SH3GL3: variants seen among roughly 807,000 people sequenced by gnomAD.
SH3GL3 encodes SH3 domain containing GRB2 like 3, endophilin A3.
A neutral mutation model predicts 47.7 loss-of-function variants in SH3GL3; 33 were observed. That is an observed-to-expected ratio of 0.69 (90% confidence interval 0.52 to 0.92). The LOEUF is 0.92. SH3GL3 is among the 40% of genes least tolerant of loss of function. The pLI is 0.00. For missense variants in SH3GL3, 363 were observed against 417.8 expected, an observed-to-expected ratio of 0.87 and a Z score of 1.14; for synonymous variants, 155 against 148.8, an observed-to-expected ratio of 1.04 and a Z score of -0.30.
At chr15:83,461,806 A>G (rs1345554624) in intron 1 of SH3GL3, among the ~76,000 whole-genome samples, 1 of 152,166 alleles carries the variant, frequency 6.6e-6, no homozygotes, top group Non-Finnish European at 1.5e-5. Flanking sequence ...AAAAAGTTCA[A>G]TCTGAGATTC....
At chr15:83,467,896 T>C (rs939872629) in intron 1 of SH3GL3, among the ~76,000 whole-genome samples, 5 of 152,194 alleles carry the variant, frequency 3.3e-5, no homozygotes, top group Admixed American at 2.6e-4. Context: ...GGCACAATCT[T>C]GGCTCACTGC....
chr15:83,481,325 ATGCTGAAATAATTATT>A (rs1165296412), intron 1 of SH3GL3, among the ~76,000 whole-genome samples: 3 of 151,918 alleles, frequency 2.0e-5, no homozygotes, highest in Non-Finnish European at 2.9e-5. Flanking sequence ...GAGCGGAAAC[ATGCTGAAATAATTATT>A]TGCTGAAATT....
intron 1 of SH3GL3, among the ~76,000 whole-genome samples, chr15:83,450,409 A>G (rs1243304818): frequency 6.6e-6 from 1 of 152,200 alleles, no homozygotes; most frequent in African/African-American, 2.4e-5. Context: ...TTTTACAGAG[A>G]AGGGATCCAG....
chr15:83,468,428 C>T (rs1437809176), intron 1 of SH3GL3, among the ~76,000 whole-genome samples: 3 of 152,144 alleles, frequency 2.0e-5, no homozygotes, highest in Non-Finnish European at 4.4e-5. Flanking sequence ...AGTTGACATC[C>T]TTGCCTTGTT....
chr15:83,582,977 G>T (rs1596306656), intron 6 of SH3GL3, among the ~76,000 whole-genome samples: 2 of 152,194 alleles, frequency 1.3e-5, no homozygotes, highest in Admixed American at 6.5e-5. Flanking sequence ...TGACCAGACT[G>T]CAAAATACAT....
intron 1 of SH3GL3, among the ~76,000 whole-genome samples, chr15:83,474,477 G>A (rs140463359): frequency 3.1e-4 from 47 of 151,472 alleles, no homozygotes; most frequent in African/African-American, 1.1e-3. Context: ...AGAAATGTGT[G>A]TGATTAATTA....
At chr15:83,585,506 T>G (rs2059931299) in intron 6 of SH3GL3, among the ~76,000 whole-genome samples, 1 of 152,192 alleles carries the variant, frequency 6.6e-6, no homozygotes, top group Non-Finnish European at 1.5e-5. Flanking sequence ...ATAGCATAGA[T>G]TTTGCCAAGC....
intron 1 of SH3GL3, among the ~76,000 whole-genome samples, chr15:83,542,727 T>C (rs146244923): frequency 2.0e-5 from 3 of 152,288 alleles, no homozygotes; most frequent in Non-Finnish European, 2.9e-5. Flanking sequence ...TTTGTAGCAA[T>C]TGTAAATGTG....
chr15:83,572,592 C>A lies in SH3GL3; in HGVS notation c.359C>A (p.Ser120Tyr). The A allele has an allele frequency of 6.2e-7, 1 of 1,612,730 alleles. No homozygotes were observed. Among genetic ancestry groups the A allele is most frequent in the Non-Finnish European group, 8.5e-7 (1 of 1,179,024 alleles). ...FGNALIEVGE[S>Y]MKLMAEVKDS... ...AATGCATTGATAGAAGTTGGTGAATCCATGAAGCTAATGGCTGAGGTGAAA... is the reference window on the plus strand; with the variant it reads ...AATGCATTGATAGAAGTTGGTGAATACATGAAGCTAATGGCTGAGGTGAAA... Residue 120 changes from serine to tyrosine, a missense_variant, in exon 5 of 9, where the codon TCC (serine) becomes TAC (tyrosine). Coordinates refer to ENST00000427482, the MANE Select transcript of SH3GL3 (RefSeq NM_003027.5).
chr15:83,510,987 T>C (rs1396116923), intron 1 of SH3GL3, among the ~76,000 whole-genome samples: 2 of 150,478 alleles, frequency 1.3e-5, no homozygotes, highest in East Asian at 2.0e-4. Context: ...CACCAGGGTC[T>C]GTTGTGGGGT....
At chr15:83,605,770 G>A (rs892975196) in intron 8 of SH3GL3, among the ~76,000 whole-genome samples, 10 of 152,148 alleles carry the variant, frequency 6.6e-5, no homozygotes, top group Non-Finnish European at 8.8e-5. Flanking sequence ...GTCCAAGCCC[G>A]CGAGTGTGGG....
At chr15:83,526,468 G>A (rs190723562) in intron 1 of SH3GL3, among the ~76,000 whole-genome samples, 11 of 152,286 alleles carry the variant, frequency 7.2e-5, no homozygotes, top group East Asian at 3.9e-4. Context: ...TACATACCAC[G>A]GAATACAATG....
chr15:83,585,680 T>C (rs2059935680), intron 6 of SH3GL3, among the ~76,000 whole-genome samples: 1 of 152,156 alleles, frequency 6.6e-6, no homozygotes, highest in South Asian at 2.1e-4. Flanking sequence ...TGTCTTTGTT[T>C]TGTTTATTGG....
chr15:83,450,625 T>G (rs1273231629), intron 1 of SH3GL3, among the ~76,000 whole-genome samples: 1 of 151,054 alleles, frequency 6.6e-6, no homozygotes, highest in Non-Finnish European at 1.5e-5. Flanking sequence ...AGAAATATGC[T>G]AAAATGAGAA....
intron 1 of SH3GL3, among the ~76,000 whole-genome samples, chr15:83,510,023 G>A (rs140648907): frequency 5.3e-5 from 8 of 152,058 alleles, no homozygotes; most frequent in Non-Finnish European, 8.8e-5. Context: ...ATTAATGTAT[G>A]TGTTCACCCA....
intron 6 of SH3GL3, among the ~76,000 whole-genome samples, chr15:83,579,469 C>T (rs766638368): frequency 5.3e-5 from 8 of 152,166 alleles, no homozygotes; most frequent in South Asian, 2.1e-4. Context: ...GGAGATGGGC[C>T]GCCCAGGCTG....
rs891718454 is a variant in SH3GL3, at chr15:83,447,982, C to T, written c.45+404C>T. Among the ~76,000 whole-genome samples the T allele has an allele frequency of 6.6e-6, 1 of 152,120 alleles. No homozygotes were observed. Among genetic ancestry groups the T allele is most frequent in the Non-Finnish European group, 1.5e-5 (1 of 68,002 alleles). ...TCCAGCCGTTTGGTTGGGAGAGCCTCGTGGGGGGCCCATCCTCCACCGGCC... is the reference window on the plus strand; with the variant it reads ...TCCAGCCGTTTGGTTGGGAGAGCCTTGTGGGGGGCCCATCCTCCACCGGCC... On this transcript the variant is annotated intron_variant, in intron 1 of 8. Transcript: ENST00000427482. The surrounding 1 kb of genome is among the most constrained non-coding windows in gnomAD (Gnocchi z 5.1).
chr15:83,497,823 CTT>C (rs1340762517), intron 1 of SH3GL3, among the ~76,000 whole-genome samples: 1 of 152,210 alleles, frequency 6.6e-6, no homozygotes, highest in Non-Finnish European at 1.5e-5. Context: ...GCATTTGTGT[CTT>C]TATTTTTGAC....
Position 83,510,192 on chromosome 15 carries a change from C to T in SH3GL3, c.46-49061C>T, listed in dbSNP as rs569789829. ...TGCACAGCAACTCTGTAATATAGCTCTGCCTGGTGCAAAATACCTCATTTT... is the reference window on the plus strand; with the variant it reads ...TGCACAGCAACTCTGTAATATAGCTTTGCCTGGTGCAAAATACCTCATTTT... On this transcript the variant is annotated intron_variant, in intron 1 of 8. Transcript: ENST00000427482. Among the ~76,000 whole-genome samples the T allele has an allele frequency of 2.6e-5, 4 of 152,240 alleles. No homozygotes were observed. In the East Asian group the frequency reaches 7.7e-4, roughly 29 times the overall value.
Sources: allele counts gnomAD v4.1 joint callset (sites outside exome capture counted in the v4.1 genomes callset), GRCh38; gene constraint gnomAD v4.1.1; non-coding constraint Gnocchi (gnomAD v3.1); transcripts MANE v1.5; gene names NCBI Gene and HGNC (gene_info 2026-07-23, HGNC 2026-07-21).